Variants in CATSPERG observed in about 807,000 individuals in gnomAD.
CATSPERG encodes catsper channel auxiliary subunit gamma, also known as cation channel sperm-associated auxiliary subunit gamma.
CATSPERG carries 115 observed loss-of-function variants against 145.0 expected under a neutral mutation model. That is an observed-to-expected ratio of 0.79 (90% confidence interval 0.68 to 0.93). CATSPERG has a LOEUF of 0.93. Among genes scored for constraint, CATSPERG ranks in the 40% least tolerant of loss-of-function variants. CATSPERG has a pLI of 0.00. For missense variants in CATSPERG, 1,296 were observed against 1,490.1 expected (o/e 0.87, Z 2.14); for synonymous variants, 588 against 589.0 (o/e 1.00, Z 0.02).
intron 7 of CATSPERG, among the ~76,000 whole-genome samples, chr19:38,351,171 T>C (rs1970132734): frequency 6.6e-6 from 1 of 152,054 alleles, no homozygotes; most frequent in South Asian, 2.1e-4. Flanking sequence ...GCCAACACAA[T>C]CACCATGCCC....
intron 28 of CATSPERG, 28 bp downstream of exon 28, chr19:38,370,286 C>A (rs1180165259): frequency 6.2e-6 from 10 of 1,603,388 alleles, no homozygotes; most frequent in Non-Finnish European, 7.7e-6. Flanking sequence ...AGCTGCCCTA[C>A]TGGGTGGGCA....
chr19:38,367,122 G>A (rs1970463623), intron 22 of CATSPERG, 34 bp from the exon 23 acceptor site: 1 of 1,591,194 alleles, frequency 6.3e-7, no homozygotes, highest in Non-Finnish European at 8.5e-7. Flanking sequence ...GGAGACCCTG[G>A]CCACCCCTGT....
chr19:38,362,778 C>T lies in CATSPERG; in HGVS notation c.2421C>T (p.Ile807=), dbSNP rs1970373455. Residue 807 remains isoleucine, a synonymous_variant, in exon 20 of 29, where the codon ATC becomes ATT. Coordinates refer to ENST00000409235, the MANE Select transcript of CATSPERG (RefSeq NM_021185.5). ...TGGTGCTGGCCGACCCCGGCTGCATCGAGGCCTCGGTGAAGCAGGAGGTCC... is the reference window on the plus strand; with the variant it reads ...TGGTGCTGGCCGACCCCGGCTGCATTGAGGCCTCGGTGAAGCAGGAGGTCC... ...VGVVLADPGC[I]EASVKQEVLI... 1 of 1,613,574 alleles carries T rather than the reference C, an allele frequency of 6.2e-7. No individual in the cohort carries two copies. Among genetic ancestry groups the T allele is most frequent in the African/African-American group, 1.3e-5 (1 of 74,736 alleles).
chr19:38,344,259 G>A lies in CATSPERG; in HGVS notation c.597-37G>A, dbSNP rs555189131. 9.7e-5 allele frequency: 150 copies of A among 1,546,844 alleles called. 1 individual carries two copies. The South Asian group carries it at 1.6e-3, about 17-fold the overall frequency. On this transcript the variant is annotated intron_variant, in intron 5 of 28. Coordinates refer to ENST00000409235, the MANE Select transcript of CATSPERG (RefSeq NM_021185.5). ...TACGAGCTGTGGAACCCCTGACACT[G>A]GGACCTCACCTGCGCCTATTCTGCA...
rs1011847158 is a variant in CATSPERG, at chr19:38,368,162, T to C, written c.3020+25T>C. The C allele has an allele frequency of 4.4e-6, 7 of 1,604,966 alleles. No individual in the cohort carries two copies. The African/African-American group carries it at 5.4e-5, about 12-fold the overall frequency. The stretch of plus-strand genomic sequence containing the variant: ...AGTGAGTGCGTAGCCTGGCCCCTCT[T>C]GGCCCCCATCTGTCGGTAGTCCATT... On this transcript the variant is annotated intron_variant, in intron 26 of 28. Transcript: ENST00000409235.
In CATSPERG at chr19:38,356,467, C is replaced by G; in HGVS notation, c.1136-17C>G. On this transcript the variant is annotated splice_polypyrimidine_tract_variant and intron_variant, in intron 9 of 28. Transcript: ENST00000409235. ...GGAGGGAGAGGGCCTGAACATGAAC[C>G]CGACCTTGCTCTGCAGATGGCCAGG... is the stretch of plus-strand genomic sequence containing the variant. The G allele has an allele frequency of 6.2e-7, 1 of 1,613,416 alleles. No homozygotes were observed. Among genetic ancestry groups the G allele is most frequent in the East Asian group, 2.2e-5 (1 of 44,894 alleles).
Position 38,367,494 on chromosome 19 carries a change from C to T in CATSPERG, c.2771-15C>T, listed in dbSNP as rs775615052. 2.5e-6 allele frequency: 4 copies of T among 1,613,422 alleles called. No individual in the cohort carries two copies. The South Asian group carries it at 4.4e-5, about 18-fold the overall frequency. On this transcript the variant is annotated splice_polypyrimidine_tract_variant and intron_variant, in intron 23 of 28. Coordinates refer to ENST00000409235, the MANE Select transcript of CATSPERG (RefSeq NM_021185.5). ...TAATTTCTTCTTCTGGTCTCAATCC[C>T]CTCCAACCCCATAGTTTTCTACCCC...
At chr19:38,350,149 A>G (rs1970113731) in intron 7 of CATSPERG, among the ~76,000 whole-genome samples, 3 of 152,240 alleles carry the variant, frequency 2.0e-5, no homozygotes, top group Middle Eastern at 3.4e-3. Flanking sequence ...ACATTCCACT[A>G]GTGAGAAGGG....
At chr19:38,360,670 G>C (rs111376216) in intron 15 of CATSPERG, 23 bp downstream of exon 15, 1 of 1,614,138 alleles carries the variant, frequency 6.2e-7, no homozygotes, top group Non-Finnish European at 8.5e-7. Context: ...GCTATGCGGG[G>C]ACATCGGGGC....
At position 38,370,047 on chromosome 19, in the gene CATSPERG, G is replaced by C; in HGVS notation, c.3096G>C (p.Lys1032Asn). ...QGIFAPEFFF[K>N]VLVSNRGVDT... The stretch of plus-strand genomic sequence containing the variant: ...TCTTTGCCCCTGAATTCTTCTTCAA[G>C]GTGTTGGTGAGCAATAGGTGAGCCA... Residue 1032 changes from lysine to asparagine, a missense_variant, in exon 27 of 29, where the codon AAG (lysine) becomes AAC (asparagine). Transcript: ENST00000409235. 1.2e-6 allele frequency: 2 copies of C among 1,614,196 alleles called. No individual in the cohort carries two copies. Among genetic ancestry groups the C allele is most frequent in the Non-Finnish European group, 1.7e-6 (2 of 1,180,048 alleles).
chr19:38,366,910 T>C (rs138141112), intron 22 of CATSPERG: 4 of 506,506 alleles, frequency 7.9e-6, no homozygotes, highest in African/African-American at 7.7e-5. Context: ...GCCAGGCTAG[T>C]CTCGAACTCC....
chr19:38,352,371 C>A lies in CATSPERG; in HGVS notation c.936C>A (p.Asn312Lys). Reference sequence around the variant, plus strand: ...AGAGCACCCTCTTCATTCGGCAGAACCAGCTGGTCTACTATTTTACAGGCA... The same window carrying A: ...AGAGCACCCTCTTCATTCGGCAGAAACAGCTGGTCTACTATTTTACAGGCA... ...ATESTLFIRQ[N>K]QLVYYFTGTY... The change falls in exon 8 of 29, where the codon AAC (asparagine) becomes AAA (lysine). Residue 312 changes from asparagine to lysine, a missense_variant. Coordinates refer to ENST00000409235, the MANE Select transcript of CATSPERG (RefSeq NM_021185.5). 1.3e-6 allele frequency: 2 copies of A among 1,551,898 alleles called. No homozygotes were observed. Among genetic ancestry groups the A allele is most frequent in the Non-Finnish European group, 1.7e-6 (2 of 1,147,106 alleles).
At chr19:38,369,086 T>G (rs1970503703) in intron 26 of CATSPERG, among the ~76,000 whole-genome samples, 1 of 152,142 alleles carries the variant, frequency 6.6e-6, no homozygotes, top group African/African-American at 2.4e-5. Context: ...AGGCATTTAT[T>G]GATATCTGAA....
At chr19:38,362,348 ACT>A (rs1307116504) in intron 18 of CATSPERG, 26 bp from the exon 19 acceptor site, 5 of 1,613,640 alleles carry the variant, frequency 3.1e-6, no homozygotes, top group East Asian at 4.5e-5. Context: ...CCCGGCGCTG[ACT>A]CTGCCCCGCG....
At position 38,368,148 on chromosome 19, in the gene CATSPERG, A is replaced by T; in HGVS notation, c.3020+11A>T. On this transcript the variant is annotated intron_variant, in intron 26 of 28. Transcript: ENST00000409235. ...GAGCCCAGGCATCGAGTGAGTGCGT[A>T]GCCTGGCCCCTCTTGGCCCCCATCT... The T allele has an allele frequency of 6.2e-7, 1 of 1,612,758 alleles. No individual in the cohort carries two copies. Among genetic ancestry groups the T allele is most frequent in the Non-Finnish European group, 8.5e-7 (1 of 1,178,824 alleles).
intron 25 of CATSPERG, 26 bp from the exon 26 acceptor site, chr19:38,368,022 G>A: frequency 6.2e-7 from 1 of 1,610,828 alleles, no homozygotes; most frequent in African/African-American, 1.3e-5. Flanking sequence ...CCCAACCCCT[G>A]GCTGAGATGA....
chr19:38,355,308 G>A (rs1970224248), intron 9 of CATSPERG, among the ~76,000 whole-genome samples: 1 of 152,094 alleles, frequency 6.6e-6, no homozygotes, highest in Admixed American at 6.6e-5. Context: ...TTGCACCACT[G>A]CACTCCAGCC....
At chr19:38,350,737 C>T (rs1187755013) in intron 7 of CATSPERG, among the ~76,000 whole-genome samples, 3 of 152,110 alleles carry the variant, frequency 2.0e-5, no homozygotes, top group African/African-American at 7.2e-5. Context: ...GCCTGTAATC[C>T]CAACATTTTG....
rs1970280415 is a variant in CATSPERG, at chr19:38,358,187, C to G, written c.1316-91C>G. ...GTGGGAAGCTCTTTGGAGGGTTTTA[C>G]AGGAGGCTGAGAAGCAAACAACTTG... On this transcript the variant is annotated intron_variant, in intron 11 of 28. Coordinates refer to ENST00000409235, the MANE Select transcript of CATSPERG (RefSeq NM_021185.5). The G allele has an allele frequency of 3.8e-6, 5 of 1,308,190 alleles. No individual in the cohort carries two copies. In the South Asian group the frequency reaches 4.9e-5, roughly 13 times the overall value. 81.0% of individuals were successfully genotyped at this position (1,308,190 alleles called of 1,614,324 possible).
Sources: allele counts gnomAD v4.1 joint callset (sites outside exome capture counted in the v4.1 genomes callset), GRCh38; gene constraint gnomAD v4.1.1; transcripts MANE v1.5; gene names NCBI Gene and HGNC (gene_info 2026-07-23, HGNC 2026-07-21).